Variants in GABRB3 observed in about 807,000 individuals in gnomAD.
The protein encoded by GABRB3 is gamma-aminobutyric acid receptor subunit beta-3.
A neutral mutation model predicts 52.1 loss-of-function variants in GABRB3; 14 were observed. That is an observed-to-expected ratio of 0.27 (90% CI 0.18 to 0.42). The LOEUF is 0.42. Ranked by LOEUF, GABRB3 falls within the 10% of genes least tolerant of loss-of-function variation. The pLI is 1.00. For missense variants in GABRB3, 307 were observed against 609.1 expected (o/e 0.50, Z 5.22); for synonymous variants, 260 against 232.3 (o/e 1.12, Z -1.08).
chr15:26,770,497 T>C (rs1487901126), intron 3 of GABRB3, among the ~76,000 whole-genome samples: 3 of 152,234 alleles, frequency 2.0e-5, no homozygotes, highest in Non-Finnish European at 4.4e-5. Flanking sequence ...CAAACACTGA[T>C]GAAGTTTTTA....
rs115889950 is a variant in GABRB3, at chr15:26,651,900, C to G, written c.241-30366G>C. On this transcript the variant is annotated intron_variant, in intron 3 of 8. Transcript: ENST00000311550. ...GATTGGAATATCCCCCACAAAGCCACCTTTTGTGGGGAAAATTTTCATCTG... is the reference window on the plus strand; with the variant it reads ...GATTGGAATATCCCCCACAAAGCCAGCTTTTGTGGGGAAAATTTTCATCTG... Among the ~76,000 whole-genome samples, 261 of 152,312 alleles carry G rather than the reference C, an allele frequency of 1.7e-3. 3 individuals are homozygous for G. The highest frequency in any genetic ancestry group is 6.0e-3 in the African/African-American group (250 of 41,572).
At chr15:26,661,665 T>C (rs772588861) in intron 3 of GABRB3, among the ~76,000 whole-genome samples, 2 of 151,948 alleles carry the variant, frequency 1.3e-5, no homozygotes, top group African/African-American at 4.8e-5. Context: ...GAAATGCATA[T>C]GGGATGCAGA....
intron 4 of GABRB3, among the ~76,000 whole-genome samples, chr15:26,620,083 T>A (rs1346886950): frequency 6.6e-6 from 1 of 152,212 alleles, no homozygotes; most frequent in Non-Finnish European, 1.5e-5. Flanking sequence ...TTTGTATAGC[T>A]GATGCACTTA....
intron 3 of GABRB3, among the ~76,000 whole-genome samples, chr15:26,690,685 G>C (rs965584496): frequency 6.6e-6 from 1 of 151,896 alleles, no homozygotes; most frequent in Non-Finnish European, 1.5e-5. Context: ...TTCCCACTTA[G>C]TGTTTGTGCT....
chr15:26,651,546 C>T (rs561466283), intron 3 of GABRB3, among the ~76,000 whole-genome samples: 1 of 152,272 alleles, frequency 6.6e-6, no homozygotes, highest in South Asian at 2.1e-4. Context: ...TGGTTAGACC[C>T]CATTCCTAAA....
At chr15:26,554,209 A>ATATATATATATATATAT in intron 8 of GABRB3, among the ~76,000 whole-genome samples, 1 of 99,794 alleles carries the variant, frequency 1.0e-5, no homozygotes, top group Non-Finnish European at 2.0e-5. Flanking sequence ...ATATATATAT[A>ATATATATATATATATAT]GTAGAAACAA....
chr15:26,719,996 T>C (rs1889599624), intron 3 of GABRB3, among the ~76,000 whole-genome samples: 1 of 152,164 alleles, frequency 6.6e-6, no homozygotes, highest in South Asian at 2.1e-4. Flanking sequence ...TTAAATGGCC[T>C]ATTCCTGCCT....
chr15:26,771,733 T>C (rs4906690), intron 3 of GABRB3: 1 of 152,196 alleles, frequency 6.6e-6, no homozygotes, highest in African/African-American at 2.4e-5. Context: ...AGTGACACTG[T>C]GTCACCAGCC....
intron 3 of GABRB3, chr15:26,767,127 T>C (rs150581434): frequency 1.3e-5 from 2 of 152,260 alleles, no homozygotes; most frequent in East Asian, 3.9e-4. Flanking sequence ...CAGTGAAAAG[T>C]AATGTGCTCA....
At chr15:26,752,946 A>G (rs1343808698) in intron 3 of GABRB3, among the ~76,000 whole-genome samples, 1 of 152,182 alleles carries the variant, frequency 6.6e-6, no homozygotes, top group African/African-American at 2.4e-5. Flanking sequence ...CCTCAATCAA[A>G]ATAGCATCAC....
intron 4 of GABRB3, among the ~76,000 whole-genome samples, chr15:26,595,397 C>A (rs1189759458): frequency 6.6e-6 from 1 of 152,120 alleles, no homozygotes; most frequent in Non-Finnish European, 1.5e-5. Context: ...CAAAACAACC[C>A]CTGCCCTAGG....
In GABRB3 at chr15:26,674,376, G is replaced by T. The variant is rs186760746; in HGVS notation, c.241-52842C>A. Among the ~76,000 whole-genome samples the T allele has an allele frequency of 7.0e-3, 925 of 131,410 alleles. 17 individuals carry two copies. The highest frequency in any genetic ancestry group is 0.027 in the African/African-American group (900 of 33,464). 86.2% of individuals were successfully genotyped at this position (131,410 alleles called of 152,430 possible). A position where few individuals can be genotyped will look rare whatever the true frequency, so the allele number is the denominator to read the frequency against. ...AGATCACGCCACTGCACTCCAGCCT[G>T]GGTGACAGAGCGAGACTCAGTTTCA... On this transcript the variant is annotated intron_variant, in intron 3 of 8. Coordinates refer to ENST00000311550, the MANE Select transcript of GABRB3 (RefSeq NM_000814.6).
intron 4 of GABRB3, among the ~76,000 whole-genome samples, chr15:26,610,535 T>C (rs1892029622): frequency 6.6e-6 from 1 of 152,200 alleles, no homozygotes; most frequent in Non-Finnish European, 1.5e-5. Flanking sequence ...TATTCTTTTA[T>C]AATACTGTTT....
intron 3 of GABRB3, among the ~76,000 whole-genome samples, chr15:26,740,649 G>A (rs894214998): frequency 2.0e-5 from 3 of 152,126 alleles, no homozygotes; most frequent in African/African-American, 7.2e-5. Context: ...CACAGCTGAG[G>A]CTTGGCTCTC....
chr15:26,752,072 C>T (rs575683971), intron 3 of GABRB3, among the ~76,000 whole-genome samples: 1 of 152,142 alleles, frequency 6.6e-6, no homozygotes, highest in Admixed American at 6.5e-5. Context: ...TTAACTAGCA[C>T]ACCAAGAGCC....
At chr15:26,626,953 C>T (rs1885493173) in intron 3 of GABRB3, among the ~76,000 whole-genome samples, 1 of 152,176 alleles carries the variant, frequency 6.6e-6, no homozygotes, top group Non-Finnish European at 1.5e-5. Flanking sequence ...CCATGTCGGA[C>T]TTTCATAGCA....
chr15:26,690,101 C>G (rs1888538867), intron 3 of GABRB3, among the ~76,000 whole-genome samples: 1 of 90,250 alleles, frequency 1.1e-5, no homozygotes, highest in South Asian at 5.3e-4. Context: ...TGAGAAGGTA[C>G]ACGGATTTTT....
At chr15:26,702,347 T>A (rs28844955) in intron 3 of GABRB3, among the ~76,000 whole-genome samples, 3,495 of 152,294 alleles carry the variant, frequency 0.023, 137 homozygotes, top group African/African-American at 0.08. Context: ...TTACATCCAA[T>A]TATGTAAGGA....
intron 3 of GABRB3, among the ~76,000 whole-genome samples, chr15:26,692,947 C>T (rs777282280): frequency 2.6e-5 from 4 of 152,070 alleles, no homozygotes; most frequent in South Asian, 4.2e-4. Context: ...GATTTAGATC[C>T]GAACTTTAAG....
Sources: allele counts gnomAD v4.1 joint callset (sites outside exome capture counted in the v4.1 genomes callset), GRCh38; gene constraint gnomAD v4.1.1; transcripts MANE v1.5; gene names NCBI Gene and HGNC (gene_info 2026-07-23, HGNC 2026-07-21).